KAZN: variants seen among roughly 807,000 people sequenced by gnomAD.
KAZN encodes kazrin.
Under a neutral mutation model 87.4 loss-of-function variants are expected in KAZN, and 40 were observed. The observed-to-expected ratio is 0.46, with a 90% CI of 0.36 to 0.60. The LOEUF is 0.60. KAZN is among the 20% of genes least tolerant of loss of function. The pLI is 0.00. For synonymous variants in KAZN, 466 were observed against 458.3 expected, an observed-to-expected ratio of 1.02 and a Z score of -0.22; for missense variants, 898 against 1,073.9, an observed-to-expected ratio of 0.84 and a Z score of 2.29.
intron 1 of KAZN, among the ~76,000 whole-genome samples, chr1:14,808,568 G>A (rs1396960463): frequency 1.3e-5 from 2 of 151,926 alleles, no homozygotes; most frequent in Non-Finnish European, 2.9e-5. Flanking sequence ...AAAGTGCTGG[G>A]ATCACAGGTG....
rs766189594 is a variant in KAZN at position 14,064,374 on chromosome 1, C to T, written c.92-116061C>T. On this transcript the variant is annotated intron_variant, in intron 1 of 16. Coordinates refer to the KAZN transcript ENST00000636203. ...TGAAGTACCGTCACCAGAAAAGGCACGGTCAACCGGTGTCTACCTTAACCA... is the reference window on the plus strand; with the variant it reads ...TGAAGTACCGTCACCAGAAAAGGCATGGTCAACCGGTGTCTACCTTAACCA... 1.5e-4 allele frequency among the ~76,000 whole-genome samples: 23 copies of T among 152,278 alleles called. No homozygotes were observed. In the South Asian group the frequency reaches 1.9e-3, roughly 12 times the overall value.
intron 1 of KAZN, among the ~76,000 whole-genome samples, chr1:14,828,800 G>A (rs1325365642): frequency 1.3e-5 from 2 of 152,130 alleles, no homozygotes; most frequent in Non-Finnish European, 2.9e-5. Context: ...TTCCAAGTTG[G>A]CATCCAGAGG....
rs1022664229 is a variant in KAZN at position 15,115,314 on chromosome 1, G to A, written c.*679G>A. 1 of 152,280 alleles carries A rather than the reference G, an allele frequency of 6.6e-6. No individual in the cohort carries two copies. Among genetic ancestry groups the A allele is most frequent in the South Asian group, 2.1e-4 (1 of 4,830 alleles). The allele number at this position is 152,280 out of a possible 1,614,324, so 9.4% of individuals were successfully genotyped here. ...CACCCAGGAGTGGCTACGCTGAGTG[G>A]GGAGCCGGTGAATGATCCGTGCAGG... On this transcript the variant is annotated 3_prime_UTR_variant, in exon 15 of 15. Coordinates refer to ENST00000376030, the MANE Select transcript of KAZN (RefSeq NM_201628.3). The surrounding 1 kb of genome is among the most constrained non-coding windows in gnomAD (Gnocchi z 4.1).
At chr1:14,610,943 G>A (rs575880568) in intron 1 of KAZN, among the ~76,000 whole-genome samples, 7 of 152,254 alleles carry the variant, frequency 4.6e-5, no homozygotes, top group African/African-American at 9.6e-5. Flanking sequence ...CAGCTAACCC[G>A]TTGGTTGTTT....
At chr1:14,090,698 G>T (rs1465065782) in intron 1 of KAZN, among the ~76,000 whole-genome samples, 1 of 152,158 alleles carries the variant, frequency 6.6e-6, no homozygotes, top group Non-Finnish European at 1.5e-5. Flanking sequence ...TGACTGGTGG[G>T]AAAATGAATT....
chr1:14,882,010 T>C (rs532666198), intron 1 of KAZN, among the ~76,000 whole-genome samples: 2 of 152,256 alleles, frequency 1.3e-5, no homozygotes, highest in African/African-American at 4.8e-5. Flanking sequence ...TAAATACCTG[T>C]TGAGTCCTTA....
intron 1 of KAZN, among the ~76,000 whole-genome samples, chr1:14,670,873 G>A (rs1159264849): frequency 6.6e-6 from 1 of 152,192 alleles, no homozygotes; most frequent in African/African-American, 2.4e-5. Flanking sequence ...GACAAGGGGT[G>A]ACTTACCTTC....
At chr1:13,944,921 A>C (rs998499745) in intron 1 of KAZN, among the ~76,000 whole-genome samples, 10 of 152,176 alleles carry the variant, frequency 6.6e-5, no homozygotes, top group African/African-American at 2.4e-4. Context: ...CTCAGTAACA[A>C]AGAAAAAAAT....
Position 14,687,805 on chromosome 1 carries a change from C to T in KAZN, c.226+88582C>T, listed in dbSNP as rs145759647. Among the ~76,000 whole-genome samples the T allele has an allele frequency of 4.0e-3, 604 of 152,308 alleles. 4 individuals are homozygous for T. The highest frequency in any genetic ancestry group is 7.8e-3 in the Admixed American group (119 of 15,308). On this transcript the variant is annotated intron_variant, in intron 1 of 14. Transcript: ENST00000376030. The stretch of plus-strand genomic sequence containing the variant: ...GTTTTCTGTGCACTTTCATGGGGCT[C>T]ACGTTGATAGGCAAATTCTGTTCTG...
intron 2 of KAZN, among the ~76,000 whole-genome samples, chr1:14,455,845 A>G (rs532648573): frequency 6.6e-6 from 1 of 152,314 alleles, no homozygotes; most frequent in South Asian, 2.1e-4. Flanking sequence ...TTTGACTGTG[A>G]ATGCAAAATG....
chr1:14,835,426 G>A (rs994907136), intron 1 of KAZN, among the ~76,000 whole-genome samples: 1 of 152,176 alleles, frequency 6.6e-6, no homozygotes, highest in Non-Finnish European at 1.5e-5. Context: ...AAAACCTGAC[G>A]AGAAGGGGGT....
intron 1 of KAZN, among the ~76,000 whole-genome samples, chr1:14,855,530 T>C (rs995788395): frequency 1.4e-4 from 22 of 152,214 alleles, no homozygotes; most frequent in African/African-American, 4.6e-4. Context: ...TGCAATGAGA[T>C]GGGTCGGGTC....
intron 1 of KAZN, among the ~76,000 whole-genome samples, chr1:14,091,374 C>T (rs1401318136): frequency 2.0e-5 from 3 of 152,048 alleles, no homozygotes; most frequent in Admixed American, 2.0e-4. Context: ...GGATAGCTCT[C>T]CTCTGGTGCT....
chr1:14,886,685 G>T (rs142681645), intron 1 of KAZN, among the ~76,000 whole-genome samples: 1 of 152,098 alleles, frequency 6.6e-6, no homozygotes, highest in South Asian at 2.1e-4. Context: ...CAGCTACTCC[G>T]GAGGCTGAGG....
chr1:14,166,035 A>T (rs990249492), intron 1 of KAZN, among the ~76,000 whole-genome samples: 10 of 152,122 alleles, frequency 6.6e-5, no homozygotes, highest in African/African-American at 2.4e-4. Context: ...AAAGTAAATT[A>T]AAAAAACTAA....
intron 1 of KAZN, among the ~76,000 whole-genome samples, chr1:14,837,324 C>T (rs112364511): frequency 0.031 from 4,772 of 151,760 alleles, 91 homozygotes; most frequent in Middle Eastern, 0.056. Flanking sequence ...TCAGCCTCCC[C>T]GAGTAGCTGG....
At chr1:14,526,919 C>G (rs536784766) in intron 2 of KAZN, among the ~76,000 whole-genome samples, 5 of 152,194 alleles carry the variant, frequency 3.3e-5, no homozygotes, top group Non-Finnish European at 5.9e-5. Context: ...TGTTATAGTG[C>G]GGAGTTCTTG....
At chr1:14,888,156 T>C (rs1299523180) in intron 1 of KAZN, among the ~76,000 whole-genome samples, 1 of 152,196 alleles carries the variant, frequency 6.6e-6, no homozygotes, top group East Asian at 1.9e-4. Context: ...AGCTCTATTG[T>C]GAAGTCCACA....
intron 1 of KAZN, among the ~76,000 whole-genome samples, chr1:14,843,649 A>C (rs76029019): frequency 0.025 from 3,772 of 152,310 alleles, 152 homozygotes; most frequent in African/African-American, 0.086. Flanking sequence ...CCTCCCTATC[A>C]CTGGCTTTAA....
Sources: gnomAD v4.1 joint callset for allele counts (sites outside exome capture counted in the v4.1 genomes callset) on GRCh38, gnomAD v4.1.1 for gene constraint, Gnocchi (gnomAD v3.1) non-coding constraint, MANE v1.5 for transcripts, NCBI Gene and HGNC (gene_info 2026-07-23, HGNC 2026-07-21) for gene names.